WWOX: variants seen among roughly 807,000 people sequenced by gnomAD.
The protein encoded by WWOX is WW domain-containing oxidoreductase.
Under a neutral mutation model 46.2 loss-of-function variants are expected in WWOX, and 69 were observed. The observed-to-expected ratio is 1.49, with a 90% CI of 1.23 to 1.82. The LOEUF (loss-of-function observed/expected upper bound fraction) is 1.82. Ranked by LOEUF, WWOX falls within the 40% of genes most tolerant of loss-of-function variation. WWOX has a pLI of 0.00. For missense variants in WWOX, 919 were observed against 542.6 expected, an observed-to-expected ratio of 1.69 and a Z score of -6.89; for synonymous variants, 359 against 202.6, an observed-to-expected ratio of 1.77 and a Z score of -6.56.
intron 4 of WWOX, among the ~76,000 whole-genome samples, chr16:78,146,183 G>C (rs907483429): frequency 3.9e-5 from 6 of 152,016 alleles, no homozygotes; most frequent in Non-Finnish European, 8.8e-5. Flanking sequence ...GATCTTTTGG[G>C]GAGTACTTGC....
chr16:78,882,441 C>T (rs1370431156), intron 8 of WWOX, among the ~76,000 whole-genome samples: 1 of 151,698 alleles, frequency 6.6e-6, no homozygotes, highest in East Asian at 1.9e-4. Flanking sequence ...AGCTCCACTA[C>T]AGCTGGAGAA....
intron 8 of WWOX, among the ~76,000 whole-genome samples, chr16:78,763,862 G>A (rs866810929): frequency 9.2e-5 from 14 of 152,144 alleles, no homozygotes; most frequent in Admixed American, 2.0e-4. Flanking sequence ...GCCCTGCAGA[G>A]TTTTTGGGGA....
chr16:78,833,034 C>CTT (rs35798902), intron 8 of WWOX, among the ~76,000 whole-genome samples: 1 of 139,602 alleles, frequency 7.2e-6, no homozygotes, highest in African/African-American at 2.7e-5. Context: ...TTCTCTCGAT[C>CTT]TTTTTTTTTT....
At chr16:79,187,691 G>A (rs1015101866) in intron 8 of WWOX, among the ~76,000 whole-genome samples, 4 of 152,126 alleles carry the variant, frequency 2.6e-5, no homozygotes, top group South Asian at 2.1e-4. Flanking sequence ...ACAGGCATGC[G>A]CCACCATGCC....
rs898457225 is a variant in WWOX at position 78,849,210 on chromosome 16, C to G, written c.1057-362398C>G. ...GTCAATGTAAGTCTCTGGGAGCACT[C>G]ACCTTTGGGCATGTTGCTACAGAGT... On this transcript the variant is annotated intron_variant, in intron 8 of 8. Coordinates refer to ENST00000566780, the MANE Select transcript of WWOX (RefSeq NM_016373.4). 2.0e-5 allele frequency among the ~76,000 whole-genome samples: 3 copies of G among 152,272 alleles called. No individual in the cohort carries two copies. In the South Asian group the frequency reaches 6.2e-4, roughly 32 times the overall value.
At chr16:78,474,801 C>G (rs1181768418) in intron 8 of WWOX, among the ~76,000 whole-genome samples, 1 of 152,168 alleles carries the variant, frequency 6.6e-6, no homozygotes, top group Admixed American at 6.5e-5. Flanking sequence ...TTTGTATATT[C>G]TGGACATTTC....
intron 8 of WWOX, among the ~76,000 whole-genome samples, chr16:79,089,530 C>A (rs9934416): frequency 0.043 from 6,552 of 151,970 alleles, 473 homozygotes; most frequent in African/African-American, 0.15. Flanking sequence ...CAGGGTTTCT[C>A]CATATTGGTC....
rs2083933673 is a variant in WWOX, at chr16:78,460,965, C to T, written c.1056+28213C>T. Among the ~76,000 whole-genome samples, 3 of 149,646 alleles carry T rather than the reference C, an allele frequency of 2.0e-5. No individual in the cohort carries two copies. In the Admixed American group the frequency reaches 2.0e-4, roughly 10 times the overall value. On this transcript the variant is annotated intron_variant, in intron 8 of 8. Transcript: ENST00000566780. Reference sequence around the variant, plus strand: ...ACAGGGGTATCAGTAATGTTGATTACTAAGTTCTTGCCACAGGTAGAAGCC... The same window carrying T: ...ACAGGGGTATCAGTAATGTTGATTATTAAGTTCTTGCCACAGGTAGAAGCC...
In WWOX at chr16:79,101,671, C is replaced by T. The variant is rs564347351; in HGVS notation, c.1057-109937C>T. 1.1e-4 allele frequency: 16 copies of T among 150,636 alleles called. 1 individual carries two copies. In the East Asian group the frequency reaches 3.0e-3, roughly 28 times the overall value. The allele number at this position is 150,636 out of a possible 1,614,324, so 9.3% of individuals were successfully genotyped here. A position where few individuals can be genotyped will look rare whatever the true frequency, so the allele number is the denominator to read the frequency against. ...CGTGCTTTCCAGAAGACGCAACAGA[C>T]AGAAACTTTCCAAAGGGAATTACCT... is the stretch of plus-strand genomic sequence containing the variant. On this transcript the variant is annotated intron_variant, in intron 8 of 8. Coordinates refer to ENST00000566780, the MANE Select transcript of WWOX (RefSeq NM_016373.4).
At chr16:78,848,693 A>G (rs2052362338) in intron 8 of WWOX, among the ~76,000 whole-genome samples, 1 of 152,264 alleles carries the variant, frequency 6.6e-6, no homozygotes, top group African/African-American at 2.4e-5. Flanking sequence ...CAAAGCCTAG[A>G]TCAGTCTGCT....
chr16:78,992,761 C>T (rs929515534), intron 8 of WWOX, among the ~76,000 whole-genome samples: 2 of 152,098 alleles, frequency 1.3e-5, no homozygotes, highest in African/African-American at 4.8e-5. Context: ...CCCTGACTCC[C>T]GGAGGAAAGT....
rs995350617 is a variant in WWOX at position 78,889,412 on chromosome 16, C to T, written c.1057-322196C>T. 5.0e-5 allele frequency among the ~76,000 whole-genome samples: 7 copies of T among 138,714 alleles called. No homozygotes were observed. In the Admixed American group the frequency reaches 5.8e-4, roughly 12 times the overall value. 91.0% of individuals were successfully genotyped at this position (138,714 alleles called of 152,430 possible). ...AAACCCTGCAAACTGGGTCCCCCAT[C>T]TAAGAGTCTGCAATGAAACGCGAGC... On this transcript the variant is annotated intron_variant, in intron 8 of 8. Transcript: ENST00000566780.
chr16:78,731,483 G>A (rs965934946), intron 8 of WWOX, among the ~76,000 whole-genome samples: 4 of 152,070 alleles, frequency 2.6e-5, no homozygotes, highest in South Asian at 2.1e-4. Flanking sequence ...AGGAATATAA[G>A]CCTCTGTTCT....
intron 8 of WWOX, among the ~76,000 whole-genome samples, chr16:78,624,112 C>T (rs777220562): frequency 2.0e-4 from 31 of 152,162 alleles, no homozygotes; most frequent in Non-Finnish European, 3.8e-4. Flanking sequence ...CATATGATTT[C>T]CATTTGTTTG....
chr16:78,933,398 C>T (rs889633367), intron 8 of WWOX, among the ~76,000 whole-genome samples: 1 of 152,188 alleles, frequency 6.6e-6, no homozygotes, highest in East Asian at 1.9e-4. Flanking sequence ...AAGATTGTGC[C>T]ACTGTACTCT....
At chr16:78,694,598 C>T (rs2048060325) in intron 8 of WWOX, among the ~76,000 whole-genome samples, 2 of 152,196 alleles carry the variant, frequency 1.3e-5, no homozygotes, top group Non-Finnish European at 2.9e-5. Context: ...GTAAATCCAG[C>T]CCATTTATTC....
intron 8 of WWOX, among the ~76,000 whole-genome samples, chr16:79,022,382 A>C (rs977461218): frequency 1.3e-5 from 2 of 149,764 alleles, no homozygotes; most frequent in African/African-American, 4.9e-5. Context: ...GCTTGTTATC[A>C]AGCCTACTGG....
At chr16:78,927,056 A>C (rs922626175) in intron 8 of WWOX, among the ~76,000 whole-genome samples, 1 of 152,190 alleles carries the variant, frequency 6.6e-6, no homozygotes, top group Non-Finnish European at 1.5e-5. Flanking sequence ...TTGGCCTCCC[A>C]AATTGCTGGA....
At chr16:78,929,353 T>A (rs917172456) in intron 8 of WWOX, among the ~76,000 whole-genome samples, 1 of 152,164 alleles carries the variant, frequency 6.6e-6, no homozygotes, top group Non-Finnish European at 1.5e-5. Flanking sequence ...TTCTATATAG[T>A]GCATATTTTT....
Sources: gnomAD v4.1 joint callset for allele counts (sites outside exome capture counted in the v4.1 genomes callset) on GRCh38, gnomAD v4.1.1 for gene constraint, MANE v1.5 for transcripts, NCBI Gene and HGNC (gene_info 2026-07-23, HGNC 2026-07-21) for gene names.